BMPR1B: variants seen among roughly 807,000 people sequenced by gnomAD.
BMPR1B encodes bone morphogenetic protein receptor type 1B.
BMPR1B carries 12 observed loss-of-function variants against 59.1 expected under a neutral mutation model. That is an observed-to-expected ratio of 0.20 (90% confidence interval 0.13 to 0.33). The LOEUF (loss-of-function observed/expected upper bound fraction) is 0.33. Among genes scored for constraint, BMPR1B ranks in the 10% least tolerant of loss-of-function variants. The probability of loss-of-function intolerance (pLI) is 1.00; values close to 1 mark genes in which losing one functional copy is unlikely to be tolerated. For synonymous variants in BMPR1B, 237 were observed against 207.3 expected (o/e 1.14, Z -1.23); for missense variants, 550 against 610.9 (o/e 0.90, Z 1.05).
chr4:95,007,938 A>G (rs1049986909), intron 3 of BMPR1B, among the ~76,000 whole-genome samples: 8 of 152,200 alleles, frequency 5.3e-5, no homozygotes, highest in African/African-American at 1.9e-4. Context: ...AGAAAATTTT[A>G]TAAATTTAAT....
intron 3 of BMPR1B, among the ~76,000 whole-genome samples, chr4:94,998,684 T>C (rs988924507): frequency 6.6e-6 from 1 of 152,110 alleles, no homozygotes; most frequent in Non-Finnish European, 1.5e-5. Context: ...GCTGCATTAC[T>C]TTTAGAAGGG....
At chr4:94,914,116 T>C (rs1003258531) in intron 2 of BMPR1B, among the ~76,000 whole-genome samples, 1 of 152,006 alleles carries the variant, frequency 6.6e-6, no homozygotes, top group Admixed American at 6.6e-5. Context: ...AAGCTTAAGT[T>C]TGAGTGGTAG....
At chr4:94,863,106 G>T (rs1186053116) in intron 1 of BMPR1B, among the ~76,000 whole-genome samples, 3 of 151,994 alleles carry the variant, frequency 2.0e-5, no homozygotes, top group Non-Finnish European at 4.4e-5. Flanking sequence ...ACAAGAGTGA[G>T]ACTCGTCTCA....
intron 1 of BMPR1B, among the ~76,000 whole-genome samples, chr4:94,815,665 T>C (rs1723984312): frequency 6.6e-6 from 1 of 152,204 alleles, no homozygotes; most frequent in Non-Finnish European, 1.5e-5. Context: ...CGTGGCTAGA[T>C]GTGTTAGCTT....
chr4:95,042,196 G>A (rs990810858), intron 3 of BMPR1B, among the ~76,000 whole-genome samples: 3 of 152,070 alleles, frequency 2.0e-5, no homozygotes, highest in Non-Finnish European at 4.4e-5. Context: ...ACGGTAAGTG[G>A]AAAATTCTAC....
At chr4:94,895,676 TTTTTA>T (rs1474830818) in intron 2 of BMPR1B, among the ~76,000 whole-genome samples, 2 of 151,860 alleles carry the variant, frequency 1.3e-5, no homozygotes, top group African/African-American at 4.8e-5. Flanking sequence ...CATCTTTTTT[TTTTTA>T]AAAATAGGCT....
At position 94,992,377 on chromosome 4, in the gene BMPR1B, C is replaced by T. The variant is rs1424814575; in HGVS notation, c.-112-3663C>T. Among the ~76,000 whole-genome samples, 3 of 152,338 alleles carry T rather than the reference C, an allele frequency of 2.0e-5. No individual in the cohort carries two copies. The East Asian group carries it at 5.8e-4, about 29-fold the overall frequency. On this transcript the variant is annotated intron_variant, in intron 2 of 12. Transcript: ENST00000515059. ...TACCTTGCCTGGGCATGGGCCTATA[C>T]ATCTTCAGTGACTGCTATAAAGGCT...
chr4:94,927,219 T>G lies in BMPR1B; in HGVS notation c.-113+51319T>G, dbSNP rs11943368. ...AAACTCGTGCTAACATATTAACATT[T>G]TCAATTAAATTCAGCAAATAATGAC... On this transcript the variant is annotated intron_variant, in intron 2 of 12. Coordinates refer to ENST00000515059, the MANE Select transcript of BMPR1B (RefSeq NM_001203.3). Among the ~76,000 whole-genome samples, 1,274 of 152,250 alleles carry G rather than the reference T, an allele frequency of 8.4e-3. 26 individuals are homozygous for G. Among genetic ancestry groups the G allele is most frequent in the African/African-American group, 0.028 (1,175 of 41,554 alleles).
intron 1 of BMPR1B, among the ~76,000 whole-genome samples, chr4:94,819,880 G>A (rs1478764577): frequency 6.6e-6 from 1 of 152,172 alleles, no homozygotes; most frequent in African/African-American, 2.4e-5. Context: ...TTTTTGAAAT[G>A]TTGGCTTGAA....
At chr4:94,949,752 C>T (rs925117777) in intron 2 of BMPR1B, among the ~76,000 whole-genome samples, 10 of 152,094 alleles carry the variant, frequency 6.6e-5, no homozygotes, top group African/African-American at 1.9e-4. Flanking sequence ...AATAAACATA[C>T]GTGTGCATGT....
At chr4:95,084,291 A>G (rs1729400142) in intron 3 of BMPR1B, among the ~76,000 whole-genome samples, 1 of 151,556 alleles carries the variant, frequency 6.6e-6, no homozygotes, top group Non-Finnish European at 1.5e-5. Flanking sequence ...CATGATCTAT[A>G]CATATCTTTA....
chr4:95,074,551 C>T (rs191771462), intron 3 of BMPR1B, among the ~76,000 whole-genome samples: 28 of 151,862 alleles, frequency 1.8e-4, no homozygotes, highest in Non-Finnish European at 3.5e-4. Flanking sequence ...TGTTTTTTTC[C>T]TGAAGACCCC....
Position 95,096,769 on chromosome 4 carries a change from G to A in BMPR1B, c.-17-7639G>A, listed in dbSNP as rs926093272. On this transcript the variant is annotated intron_variant, in intron 3 of 12. Coordinates refer to ENST00000515059, the MANE Select transcript of BMPR1B (RefSeq NM_001203.3). ...ACTATATATAGTTATATATAACTAT[G>A]TATAGTTATATATAACTATATATCT... 3.1e-3 allele frequency among the ~76,000 whole-genome samples: 189 copies of A among 60,584 alleles called. 1 individual carries two copies. The highest frequency in any genetic ancestry group is 9.8e-3 in the African/African-American group (173 of 17,628). The allele number at this position is 60,584 out of a possible 152,430, so 39.7% of individuals were successfully genotyped here. A position where few individuals can be genotyped will look rare whatever the true frequency, so the allele number is the denominator to read the frequency against.
intron 2 of BMPR1B, among the ~76,000 whole-genome samples, chr4:94,961,629 A>G (rs544008591): frequency 3.0e-4 from 46 of 152,178 alleles, no homozygotes; most frequent in Non-Finnish European, 5.7e-4. Context: ...AACAGAGTTT[A>G]TGCTGTGTCA....
rs142967845 is a variant in BMPR1B at position 95,053,518 on chromosome 4, G to C, written c.-17-50890G>C. Among the ~76,000 whole-genome samples, 50 of 152,108 alleles carry C rather than the reference G, an allele frequency of 3.3e-4. No individual in the cohort carries two copies. The East Asian group carries it at 9.3e-3, about 28-fold the overall frequency. On this transcript the variant is annotated intron_variant, in intron 3 of 12. Coordinates refer to ENST00000515059, the MANE Select transcript of BMPR1B (RefSeq NM_001203.3). ...TAATAATTATATTTACTATCAATTT[G>C]ACTATTAAATGAGTAAGTATACATA...
intron 1 of BMPR1B, among the ~76,000 whole-genome samples, chr4:94,829,633 C>T (rs573189394): frequency 6.6e-6 from 1 of 152,010 alleles, no homozygotes; most frequent in Non-Finnish European, 1.5e-5. Flanking sequence ...GGATGCACAC[C>T]GGTAGATAAA....
At chr4:94,964,190 T>C (rs576488554) in intron 2 of BMPR1B, among the ~76,000 whole-genome samples, 2 of 152,314 alleles carry the variant, frequency 1.3e-5, no homozygotes, top group East Asian at 3.9e-4. Flanking sequence ...CCTGCAACTT[T>C]ACTGAATTTG....
At chr4:94,917,803 G>GGA (rs1033199370) in intron 2 of BMPR1B, among the ~76,000 whole-genome samples, 14 of 152,096 alleles carry the variant, frequency 9.2e-5, no homozygotes, top group Non-Finnish European at 7.4e-5. Flanking sequence ...GGGCCAGGGC[G>GGA]GAATAATACA....
intron 4 of BMPR1B, among the ~76,000 whole-genome samples, chr4:95,111,225 C>T (rs1040591777): frequency 1.3e-5 from 2 of 152,016 alleles, no homozygotes; most frequent in African/African-American, 4.8e-5. Context: ...CAGATAAACT[C>T]TTTTTAACTA....
Sources: gnomAD v4.1 joint callset for allele counts (sites outside exome capture counted in the v4.1 genomes callset) on GRCh38, gnomAD v4.1.1 for gene constraint, MANE v1.5 for transcripts, NCBI Gene and HGNC (gene_info 2026-07-23, HGNC 2026-07-21) for gene names.